LRTM1: variants seen among roughly 807,000 people sequenced by gnomAD.
LRTM1 encodes leucine rich repeat transmembrane protein 1.
LRTM1 carries 38 observed loss-of-function variants against 32.4 expected under a neutral mutation model. The ratio of observed to expected loss-of-function variants is 1.17; its 90% confidence interval spans 0.91 to 1.54. The LOEUF (loss-of-function observed/expected upper bound fraction) is 1.54, where lower values mean the gene tolerates loss of function less well. Ranked by LOEUF, LRTM1 falls within the 40% of genes most tolerant of loss-of-function variation. LRTM1 has a pLI of 0.00. For missense variants in LRTM1, 466 were observed against 415.4 expected (o/e 1.12, Z -1.06); for synonymous variants, 186 against 169.9 (o/e 1.09, Z -0.74).
chr3:54,948,120 A>G (rs1223970870), intron 1 of LRTM1, among the ~76,000 whole-genome samples: 3 of 152,080 alleles, frequency 2.0e-5, no homozygotes, highest in African/African-American at 7.2e-5. Flanking sequence ...CCTTCCTATG[A>G]CCTCAAATTA....
chr3:54,964,963 G>A (rs917493963), intron 1 of LRTM1, among the ~76,000 whole-genome samples: 1 of 151,908 alleles, frequency 6.6e-6, no homozygotes, highest in Admixed American at 6.6e-5. Context: ...CTTCCTCTGC[G>A]AGCTTTCAGA....
upstream of LRTM1, among the ~76,000 whole-genome samples, chr3:54,928,427 C>T (rs768936017): frequency 3.3e-5 from 5 of 152,220 alleles, no homozygotes; most frequent in East Asian, 1.9e-4. Flanking sequence ...GGATGCTGGA[C>T]GGGACCCTCA....
Position 54,928,040 on chromosome 3 carries a change from T to G in LRTM1, c.-129A>C. The G allele has an allele frequency of 4.9e-6, 4 of 818,638 alleles. No homozygotes were observed. In the East Asian group the frequency reaches 9.9e-5, roughly 20 times the overall value. 50.7% of individuals were successfully genotyped at this position (818,638 alleles called of 1,614,324 possible). ...CAGTCTTTCTGAACCCTGCCCTTGC[T>G]TTTCTTCAATGCAGAAAACAGTTGT... On this transcript the variant is annotated 5_prime_UTR_variant, in exon 1 of 3. Coordinates refer to ENST00000273286, the MANE Select transcript of LRTM1 (RefSeq NM_020678.4).
chr3:54,925,280 C>T (rs930851071), intron 1 of LRTM1, 65 bp from the exon 2 acceptor site: 21 of 1,354,458 alleles, frequency 1.6e-5, no homozygotes, highest in African/African-American at 2.9e-5. Context: ...AGCACTTTTC[C>T]GCCTTTGAAT....
chr3:54,938,038 A>G (rs1477552648), intron 1 of LRTM1, among the ~76,000 whole-genome samples: 2 of 152,210 alleles, frequency 1.3e-5, no homozygotes, highest in Non-Finnish European at 2.9e-5. Flanking sequence ...TGATTTCACA[A>G]GCATTATGAA....
chr3:54,924,587 C>A, intron 2 of LRTM1, 32 bp downstream of exon 2: 1 of 1,531,120 alleles, frequency 6.5e-7, no homozygotes, highest in South Asian at 1.1e-5. Flanking sequence ...TGGTAACACA[C>A]AGATGGGGGG....
intron 2 of LRTM1, among the ~76,000 whole-genome samples, chr3:54,919,336 T>C (rs1313565000): frequency 1.3e-5 from 2 of 152,218 alleles, no homozygotes; most frequent in Admixed American, 1.3e-4. Context: ...TGCATTGTTG[T>C]GATGTTATGT....
chr3:54,932,373 G>T (rs149664366), upstream of LRTM1, among the ~76,000 whole-genome samples: 2 of 152,070 alleles, frequency 1.3e-5, no homozygotes, highest in African/African-American at 4.8e-5. Flanking sequence ...GTCTGAAAAT[G>T]GAATAAGTGG....
At chr3:54,964,349 G>T (rs962068199) in intron 1 of LRTM1, among the ~76,000 whole-genome samples, 1 of 152,074 alleles carries the variant, frequency 6.6e-6, no homozygotes, top group Non-Finnish European at 1.5e-5. Flanking sequence ...TGTGACCTCC[G>T]GGGAAATATG....
Position 54,925,087 on chromosome 3 carries a change from A to G in LRTM1, c.136T>C (p.Ser46Pro). 6.2e-7 allele frequency: 1 copy of G among 1,614,120 alleles called. No individual in the cohort carries two copies. Among genetic ancestry groups the G allele is most frequent in the East Asian group, 2.2e-5 (1 of 44,862 alleles). ...CSQQGLAEIP[S>P]HLPPQTRTLH... ...GTTCGAGTCTGAGGAGGTAAATGGG[A>G]AGGGATTTCGGCCAGACCCTGCTGG... Residue 46 changes from serine (S) to proline (P), a missense_variant, in exon 2 of 3, where the codon TCC (serine) becomes CCC (proline). Ser to Pro is a moderately conservative substitution (Grantham distance 74). Transcript: ENST00000273286.
chr3:54,960,912 A>G (rs1298554320), intron 1 of LRTM1, among the ~76,000 whole-genome samples: 1 of 152,246 alleles, frequency 6.6e-6, no homozygotes, highest in Non-Finnish European at 1.5e-5. Flanking sequence ...GACCTCCGGA[A>G]TGGGCTCACA....
upstream of LRTM1, among the ~76,000 whole-genome samples, chr3:54,931,083 GAGA>G: frequency 6.6e-6 from 1 of 152,188 alleles, no homozygotes; most frequent in African/African-American, 2.4e-5. Context: ...GTGACAGAGT[GAGA>G]CTCCTTCTCA....
At chr3:54,925,802 T>A (rs1333884042) in intron 1 of LRTM1, among the ~76,000 whole-genome samples, 3 of 152,198 alleles carry the variant, frequency 2.0e-5, no homozygotes, top group African/African-American at 4.8e-5. Context: ...TAAACAACAG[T>A]AGCCACATGT....
intron 1 of LRTM1, among the ~76,000 whole-genome samples, chr3:54,927,630 A>G (rs371408471): frequency 5.8e-4 from 88 of 152,262 alleles, no homozygotes; most frequent in African/African-American, 2.0e-3. Context: ...GGAATAATAT[A>G]CGAACTCCAA....
chr3:54,933,047 CCCTCCCTTCCTTCCTTCCTT>C (rs1389842880), upstream of LRTM1, among the ~76,000 whole-genome samples: 6 of 135,174 alleles, frequency 4.4e-5, no homozygotes, highest in South Asian at 2.2e-4. Flanking sequence ...ATCCATCCAT[CCCTCCCTTCCTTCCTTCCTT>C]CCTTCCTTCC....
intron 1 of LRTM1, among the ~76,000 whole-genome samples, chr3:54,937,796 C>T (rs1301751391): frequency 2.0e-5 from 3 of 152,000 alleles, no homozygotes; most frequent in African/African-American, 4.8e-5. Context: ...GATGGCACAG[C>T]ATCTTAGGGA....
chr3:54,924,952 G>A lies in LRTM1; in HGVS notation c.271C>T (p.Pro91Ser), dbSNP rs775505448. 1 of 1,611,322 alleles carries A rather than the reference G, an allele frequency of 6.2e-7. No homozygotes were observed. The highest frequency in any genetic ancestry group is 2.2e-5 in the East Asian group (1 of 44,810). Residue 91 changes from proline (P) to serine (S), a missense_variant, in exon 2 of 3, where the codon CCT (proline) becomes TCT (serine). Transcript: ENST00000273286. ...LSNNSLSNLA[P>S]GAFHGLQHLQ... ...TGCTGAAGCCCATGGAAAGCTCCAG[G>A]GGCCAGATTTGAAAGGGAATTGTTG...
At chr3:54,965,319 C>G (rs1702123942) in intron 1 of LRTM1, among the ~76,000 whole-genome samples, 1 of 152,160 alleles carries the variant, frequency 6.6e-6, no homozygotes, top group Non-Finnish European at 1.5e-5. Flanking sequence ...GGTCCCCGTT[C>G]CCATTCTTCT....
At chr3:54,947,248 G>A (rs1304753841) in intron 1 of LRTM1, among the ~76,000 whole-genome samples, 1 of 152,058 alleles carries the variant, frequency 6.6e-6, no homozygotes, top group Non-Finnish European at 1.5e-5. Context: ...CTAATTCTGA[G>A]CCCACCTTTA....
Sources: allele counts gnomAD v4.1 joint callset (sites outside exome capture counted in the v4.1 genomes callset), GRCh38; gene constraint gnomAD v4.1.1; transcripts MANE v1.5; gene names NCBI Gene and HGNC (gene_info 2026-07-23, HGNC 2026-07-21).